The following DCT variants were observed in gnomAD, a reference collection of about 807,000 sequenced individuals.
DCT encodes the protein dopachrome tautomerase, also known as L-dopachrome tautomerase.
A neutral mutation model predicts 53.0 loss-of-function variants in DCT; 47 were observed. That is an observed-to-expected ratio of 0.89 (90% confidence interval 0.70 to 1.13). The LOEUF is 1.13. Ranked by LOEUF, DCT falls within the 50% of genes most tolerant of loss-of-function variation. The pLI is 0.00. For synonymous variants in DCT, 244 were observed against 237.0 expected (o/e 1.03, Z -0.27); for missense variants, 669 against 637.4 (o/e 1.05, Z -0.53).
At chr13:94,446,251 T>C (rs560355478) in intron 6 of DCT, among the ~76,000 whole-genome samples, 2 of 152,310 alleles carry the variant, frequency 1.3e-5, no homozygotes, top group South Asian at 4.1e-4. Context: ...ACACAGCACC[T>C]TTCTTGTAGG....
rs1255094645 is a variant in DCT at position 94,438,109 on chromosome 13, C to T, written c.*1789G>A. ...ACATAACTTTTCAGAAATATATGTA[C>T]CATGCACAATTATATCTCCATTTTA... On this transcript the variant is annotated 3_prime_UTR_variant, in exon 8 of 8. Coordinates refer to ENST00000377028, the MANE Select transcript of DCT (RefSeq NM_001922.5). The T allele has an allele frequency of 6.6e-6, 1 of 152,256 alleles. No homozygotes were observed. Among genetic ancestry groups the T allele is most frequent in the Non-Finnish European group, 1.5e-5 (1 of 68,124 alleles). The allele number at this position is 152,256 out of a possible 1,614,324, so 9.4% of individuals were successfully genotyped here.
chr13:94,468,832 T>C lies in DCT; in HGVS notation c.509A>G (p.Asn170Ser), dbSNP rs34332656. The C allele has an allele frequency of 7.0e-4, 1,129 of 1,614,160 alleles. 5 individuals are homozygous for C. The African/African-American group carries it at 0.011, about 16-fold the overall frequency. Residue 170 changes from asparagine (N) to serine (S), a missense_variant, in exon 2 of 8, where the codon AAT becomes AGT. Transcript: ENST00000377028. The part of the protein sequence containing the change: ...TQHWLGLLGP[N>S]GTQPQFANCS... The stretch of plus-strand genomic sequence containing the variant: ...GTTGGCAAACTGCGGCTGGGTTCCA[T>C]TGGGCCCAAGCAGGCCCAGCCAGTG...
the DCT span, among the ~76,000 whole-genome samples, chr13:94,538,345 G>T: frequency 6.6e-6 from 1 of 152,172 alleles, no homozygotes; most frequent in South Asian, 2.1e-4. Context: ...AAACAAAGAA[G>T]AGTTACGGAA....
At chr13:94,527,410 C>A in the DCT span, among the ~76,000 whole-genome samples, 1 of 152,088 alleles carries the variant, frequency 6.6e-6, no homozygotes, top group Non-Finnish European at 1.5e-5. Flanking sequence ...AGGCAGGTGC[C>A]CCCTGGGAAG....
the DCT span, among the ~76,000 whole-genome samples, chr13:94,498,865 G>A: frequency 6.6e-6 from 1 of 152,184 alleles, no homozygotes; most frequent in Non-Finnish European, 1.5e-5. Flanking sequence ...CTAAAGGATT[G>A]TAAATGCACC....
At chr13:94,477,475 C>T (rs533937672) in intron 1 of DCT, among the ~76,000 whole-genome samples, 1 of 139,856 alleles carries the variant, frequency 7.2e-6, no homozygotes, top group Non-Finnish European at 1.6e-5. Context: ...ACAATAGGCA[C>T]TGGGGACTGC....
chr13:94,518,403 C>A, the DCT span, among the ~76,000 whole-genome samples: 1 of 152,088 alleles, frequency 6.6e-6, no homozygotes, highest in African/African-American at 2.4e-5. Context: ...CCAATGTATC[C>A]AAAACTTTTC....
the DCT span, among the ~76,000 whole-genome samples, chr13:94,535,719 A>C: frequency 6.6e-6 from 1 of 152,170 alleles, no homozygotes; most frequent in East Asian, 1.9e-4. Flanking sequence ...GCAGGTGCAA[A>C]TGGGCATCTT....
chr13:94,460,642 T>C (rs1373369689), intron 5 of DCT, among the ~76,000 whole-genome samples: 8 of 151,984 alleles, frequency 5.3e-5, no homozygotes, highest in Non-Finnish European at 1.2e-4. Context: ...TGACTGAAGG[T>C]CCAGCTACTC....
intron 5 of DCT, 76 bp downstream of exon 5, chr13:94,461,934 C>T: frequency 7.4e-7 from 1 of 1,344,238 alleles, no homozygotes; most frequent in Non-Finnish European, 1.0e-6. Flanking sequence ...ACCTGGGTTT[C>T]CTTCCAGTTC....
At chr13:94,452,655 G>GGTGTA in intron 6 of DCT, 1 of 760,938 alleles carries the variant, frequency 1.3e-6, no homozygotes, top group Non-Finnish European at 2.4e-6. Flanking sequence ...CAAACGATTA[G>GGTGTA]AAATCACCTA....
intron 1 of DCT, among the ~76,000 whole-genome samples, chr13:94,475,597 A>G (rs1411618042): frequency 1.3e-5 from 2 of 152,188 alleles, no homozygotes; most frequent in African/African-American, 2.4e-5. Flanking sequence ...TTTCTGTACA[A>G]TATAGTGCCT....
intron 2 of DCT, 23 bp from the exon 3 acceptor site, chr13:94,466,681 T>C (rs754676783): frequency 6.7e-7 from 1 of 1,483,328 alleles, no homozygotes. Flanking sequence ...GGAAACATAT[T>C]AGAGATGACA....
the DCT span, among the ~76,000 whole-genome samples, chr13:94,535,492 C>G: frequency 6.6e-6 from 1 of 152,198 alleles, no homozygotes; most frequent in Admixed American, 6.5e-5. Context: ...ATAAATCTGT[C>G]AGATAAGGAT....
At chr13:94,452,235 G>T (rs1490811301) in intron 6 of DCT, among the ~76,000 whole-genome samples, 2 of 152,128 alleles carry the variant, frequency 1.3e-5, no homozygotes, top group Non-Finnish European at 2.9e-5. Context: ...GTTTCACCAT[G>T]TTGGCCAGGC....
chr13:94,542,502 C>T, the DCT span, among the ~76,000 whole-genome samples: 3 of 152,230 alleles, frequency 2.0e-5, no homozygotes, highest in South Asian at 2.1e-4. Flanking sequence ...GCACCTGGCC[C>T]GTTCCATCTT....
chr13:94,513,415 T>C, the DCT span, among the ~76,000 whole-genome samples: 1 of 152,188 alleles, frequency 6.6e-6, no homozygotes, highest in Non-Finnish European at 1.5e-5. Context: ...GTTTTATCGG[T>C]GTCTGTGGAA....
chr13:94,438,367 A>T lies in DCT; in HGVS notation c.*1531T>A, dbSNP rs927538314. 1.1e-4 allele frequency: 24 copies of T among 221,562 alleles called. No homozygotes were observed. The highest frequency in any genetic ancestry group is 5.3e-4 in the African/African-American group (23 of 43,300). The allele number at this position is 221,562 out of a possible 1,614,324, so 13.7% of individuals were successfully genotyped here. A position where few individuals can be genotyped will look rare whatever the true frequency, so the allele number is the denominator to read the frequency against. On this transcript the variant is annotated 3_prime_UTR_variant, in exon 8 of 8. Coordinates refer to ENST00000377028, the MANE Select transcript of DCT (RefSeq NM_001922.5). Reference sequence around the variant, plus strand: ...CACCACTGAGCCTGCTCTCAGATGCACCTGTAGCTTTATGAGATTCAAATT... The same window carrying T: ...CACCACTGAGCCTGCTCTCAGATGCTCCTGTAGCTTTATGAGATTCAAATT...
the DCT span, among the ~76,000 whole-genome samples, chr13:94,535,764 C>G: frequency 1.3e-5 from 2 of 152,184 alleles, no homozygotes; most frequent in African/African-American, 4.8e-5. Context: ...ATAGTTGGAG[C>G]AAAGACAGAA....
Sources: allele counts gnomAD v4.1 joint callset (sites outside exome capture counted in the v4.1 genomes callset), GRCh38; gene constraint gnomAD v4.1.1; transcripts MANE v1.5; gene names NCBI Gene and HGNC (gene_info 2026-07-23, HGNC 2026-07-21).